The following SMG6 variants were observed in gnomAD, a reference collection of about 807,000 sequenced individuals.
The protein encoded by SMG6 is SMG6 nonsense mediated mRNA decay factor, also known as telomerase-binding protein EST1A.
In SMG6, 66 loss-of-function variants were observed where a neutral mutation model predicts 142.2. The ratio of observed to expected loss-of-function variants is 0.46; its 90% CI spans 0.38 to 0.57. The LOEUF (loss-of-function observed/expected upper bound fraction) is 0.57. Ranked by LOEUF, SMG6 falls within the 20% of genes least tolerant of loss-of-function variation. The pLI, the probability that SMG6 is intolerant of heterozygous loss-of-function variation, is 0.00. For synonymous variants in SMG6, 779 were observed against 702.4 expected (o/e 1.11, Z -1.72); for missense variants, 1,793 against 1,832.0 (o/e 0.98, Z 0.39).
intron 18 of SMG6, 61 bp from the exon 19 acceptor site, chr17:2,061,683 C>A: frequency 6.6e-7 from 1 of 1,525,810 alleles, no homozygotes; most frequent in South Asian, 1.2e-5. Flanking sequence ...GCTGGCTGCT[C>A]TTCTCACCCT....
intron 10 of SMG6, among the ~76,000 whole-genome samples, chr17:2,220,547 T>C (rs1397109599): frequency 6.6e-6 from 1 of 152,158 alleles, no homozygotes; most frequent in African/African-American, 2.4e-5. Flanking sequence ...GGAGGATCAC[T>C]TGAGCCCAAG....
chr17:2,277,461 G>C (rs968910018), intron 8 of SMG6, among the ~76,000 whole-genome samples: 1 of 152,040 alleles, frequency 6.6e-6, no homozygotes, highest in Non-Finnish European at 1.5e-5. Flanking sequence ...CACCACGCCC[G>C]GCCATATTTA....
chr17:2,075,829 G>A (rs769902142), intron 15 of SMG6, among the ~76,000 whole-genome samples: 1 of 152,228 alleles, frequency 6.6e-6, no homozygotes, highest in Non-Finnish European at 1.5e-5. Flanking sequence ...AGCCCTGGGT[G>A]GGCGGACTTG....
chr17:2,119,214 C>T (rs749196691), intron 13 of SMG6, among the ~76,000 whole-genome samples: 2 of 152,006 alleles, frequency 1.3e-5, no homozygotes, highest in African/African-American at 4.8e-5. Context: ...TGTGCCACCA[C>T]GCCCGGCTAA....
intron 16 of SMG6, among the ~76,000 whole-genome samples, chr17:2,067,544 G>C (rs1174946648): frequency 6.6e-6 from 1 of 152,198 alleles, no homozygotes; most frequent in Non-Finnish European, 1.5e-5. Context: ...GAAAGCCTGG[G>C]ACAACGTGAT....
intron 15 of SMG6, 94 bp downstream of exon 15, chr17:2,081,716 A>T: frequency 7.1e-7 from 1 of 1,412,022 alleles, no homozygotes; most frequent in Non-Finnish European, 9.8e-7. Context: ...ACTCACTCTT[A>T]GTGTCCTGCT....
chr17:2,167,573 A>C (rs2071380478), intron 13 of SMG6, among the ~76,000 whole-genome samples: 1 of 152,116 alleles, frequency 6.6e-6, no homozygotes, highest in Non-Finnish European at 1.5e-5. Context: ...GCTCAACAAA[A>C]CTCAAGAACT....
chr17:2,211,488 C>T (rs573554631), intron 10 of SMG6, among the ~76,000 whole-genome samples: 1 of 152,090 alleles, frequency 6.6e-6, no homozygotes, highest in African/African-American at 2.4e-5. Context: ...CACGGTGAAA[C>T]CCCGTCTCTA....
chr17:2,174,109 T>C (rs761672875), intron 12 of SMG6, among the ~76,000 whole-genome samples: 1 of 152,154 alleles, frequency 6.6e-6, no homozygotes, highest in African/African-American at 2.4e-5. Flanking sequence ...GCTGTAAGAA[T>C]CATCCTGGGC....
chr17:2,239,167 T>G (rs960687173), intron 9 of SMG6, among the ~76,000 whole-genome samples: 1 of 152,230 alleles, frequency 6.6e-6, no homozygotes, highest in African/African-American at 2.4e-5. Flanking sequence ...TACGTAAGTA[T>G]GTAGGTAGAT....
At chr17:2,168,835 A>G (rs947937354) in intron 13 of SMG6, among the ~76,000 whole-genome samples, 1 of 151,850 alleles carries the variant, frequency 6.6e-6, no homozygotes, top group Admixed American at 6.6e-5. Flanking sequence ...TGCAACCTCT[A>G]CCTTCTGGGT....
At chr17:2,100,571 T>C (rs796543695) in intron 13 of SMG6, among the ~76,000 whole-genome samples, 3 of 152,222 alleles carry the variant, frequency 2.0e-5, no homozygotes, top group South Asian at 2.1e-4. Flanking sequence ...TTAGAATGTG[T>C]ACTTTTAAAC....
At chr17:2,147,180 G>T (rs2070695436) in intron 13 of SMG6, among the ~76,000 whole-genome samples, 1 of 152,072 alleles carries the variant, frequency 6.6e-6, no homozygotes, top group South Asian at 2.1e-4. Context: ...ATCATTTGAG[G>T]TCAGGAGTTT....
intron 12 of SMG6, among the ~76,000 whole-genome samples, chr17:2,182,062 A>G: frequency 6.6e-6 from 1 of 152,296 alleles, no homozygotes; most frequent in African/African-American, 2.4e-5. Context: ...CCAGGCTCCA[A>G]GGACAGATGG....
rs144578094 is a variant in SMG6, at chr17:2,223,542, T to C, written c.2869+12950A>G. ...CAAAAGCACAGAGAACCCTGACTAA[T>C]GGAAAGGATTTCATGGGCCAGCAAG... On this transcript the variant is annotated intron_variant, in intron 10 of 18. Coordinates refer to ENST00000263073, the MANE Select transcript of SMG6 (RefSeq NM_017575.5). 3.0e-3 allele frequency among the ~76,000 whole-genome samples: 462 copies of C among 152,306 alleles called. 3 individuals are homozygous for C. Among genetic ancestry groups the C allele is most frequent in the Admixed American group, 7.2e-3 (110 of 15,298 alleles).
intron 13 of SMG6, among the ~76,000 whole-genome samples, chr17:2,150,142 T>C (rs1287077632): frequency 6.6e-6 from 1 of 152,238 alleles, no homozygotes; most frequent in Non-Finnish European, 1.5e-5. Flanking sequence ...CTCCGCCTCC[T>C]GTCAAGTCAG....
chr17:2,286,484 C>T (rs1384420162), intron 6 of SMG6, among the ~76,000 whole-genome samples: 1 of 152,066 alleles, frequency 6.6e-6, no homozygotes, highest in Non-Finnish European at 1.5e-5. Context: ...ACAAGGGAAC[C>T]AAGACCATTC....
At chr17:2,191,562 C>T (rs908620493) in intron 10 of SMG6, among the ~76,000 whole-genome samples, 1 of 152,188 alleles carries the variant, frequency 6.6e-6, no homozygotes, top group African/African-American at 2.4e-5. Context: ...AGCCTTTCCC[C>T]TTCTTTCCAA....
chr17:2,270,205 C>A (rs4790321), intron 8 of SMG6, among the ~76,000 whole-genome samples: 1 of 150,836 alleles, frequency 6.6e-6, no homozygotes, highest in African/African-American at 2.4e-5. Flanking sequence ...AGTCCAGTAG[C>A]AATAGGGAAA....
Sources: gnomAD v4.1 joint callset for allele counts (sites outside exome capture counted in the v4.1 genomes callset) on GRCh38, gnomAD v4.1.1 for gene constraint, MANE v1.5 for transcripts, NCBI Gene and HGNC (gene_info 2026-07-23, HGNC 2026-07-21) for gene names.